Variants in GPHN observed in about 807,000 individuals in gnomAD.
GPHN encodes the protein gephyrin.
GPHN carries 17 observed loss-of-function variants against 95.5 expected under a neutral mutation model. The ratio of observed to expected loss-of-function variants is 0.18; its 90% confidence interval spans 0.12 to 0.27. The LOEUF is 0.27. Among genes scored for constraint, GPHN ranks in the 10% least tolerant of loss-of-function variants. GPHN has a pLI of 1.00. For synonymous variants in GPHN, 320 were observed against 322.5 expected, an observed-to-expected ratio of 0.99 and a Z score of 0.08; for missense variants, 660 against 978.1, an observed-to-expected ratio of 0.67 and a Z score of 4.34.
At chr14:66,976,854 GGAT>G (rs1174318889) in intron 9 of GPHN, among the ~76,000 whole-genome samples, 1 of 139,832 alleles carries the variant, frequency 7.2e-6, no homozygotes, top group East Asian at 2.3e-4. Flanking sequence ...AGTAAAAAAA[GGAT>G]GAGTAAAAGG....
intron 1 of GPHN, among the ~76,000 whole-genome samples, chr14:66,625,553 C>A (rs772041744): frequency 6.6e-6 from 1 of 151,970 alleles, no homozygotes; most frequent in Admixed American, 6.6e-5. Context: ...TTGGTAGTTT[C>A]TTTTCCCTAC....
At chr14:66,526,350 G>T (rs957882242) in intron 1 of GPHN, among the ~76,000 whole-genome samples, 5 of 152,204 alleles carry the variant, frequency 3.3e-5, no homozygotes, top group East Asian at 1.9e-4. Context: ...AGAGTTTGCT[G>T]AAGTTGCTTA....
chr14:67,712,493 CAAAAAA>C, the GPHN span, among the ~76,000 whole-genome samples: 379 of 38,940 alleles, frequency 9.7e-3, no homozygotes, highest in East Asian at 0.018. Context: ...AAAAAACTTG[CAAAAAA>C]AAAAAAAAAA....
chr14:67,153,781 T>C (rs1390628538), intron 18 of GPHN, among the ~76,000 whole-genome samples: 1 of 152,212 alleles, frequency 6.6e-6, no homozygotes, highest in Non-Finnish European at 1.5e-5. Context: ...AAGAGACTTA[T>C]TCCTTCATCC....
chr14:66,869,653 G>A (rs1412726024), intron 4 of GPHN, among the ~76,000 whole-genome samples: 1 of 152,096 alleles, frequency 6.6e-6, no homozygotes, highest in Non-Finnish European at 1.5e-5. Context: ...CTGGATTTTT[G>A]TATTATTTCT....
chr14:66,576,056 G>GTTC (rs1273067510), intron 1 of GPHN, among the ~76,000 whole-genome samples: 3 of 152,156 alleles, frequency 2.0e-5, no homozygotes, highest in Non-Finnish European at 4.4e-5. Flanking sequence ...GGCAGGCCTA[G>GTTC]ATGTTGGGTC....
chr14:66,910,239 A>G lies in GPHN; in HGVS notation c.390-5764A>G, dbSNP rs138577175. 3.1e-3 allele frequency among the ~76,000 whole-genome samples: 470 copies of G among 152,122 alleles called. 11 individuals carry two copies. The highest frequency in any genetic ancestry group is 0.011 in the African/African-American group (445 of 41,554). ...TAGATTTAAGTTTAAAATTACAAAT[A>G]AAGAGACTTTATCTCAACCTTTTTA... On this transcript the variant is annotated intron_variant, in intron 5 of 22. Transcript: ENST00000478722.
At chr14:66,923,873 T>C (rs1384521235) in intron 7 of GPHN, among the ~76,000 whole-genome samples, 1 of 152,106 alleles carries the variant, frequency 6.6e-6, no homozygotes, top group Non-Finnish European at 1.5e-5. Flanking sequence ...CAGTGAGTGC[T>C]TACTAAAGGC....
In GPHN at chr14:66,679,568, G is replaced by T. The variant is rs188537338; in HGVS notation, c.65-1539G>T. ...CTTTCTGTCTGCTTTATTCTAACTG[G>T]AATTATATTTGTGTTGAAGTGTTTA... On this transcript the variant is annotated intron_variant, in intron 1 of 22. Coordinates refer to ENST00000478722, the MANE Select transcript of GPHN (RefSeq NM_020806.5). 8.4e-3 allele frequency among the ~76,000 whole-genome samples: 1,280 copies of T among 152,120 alleles called. 11 individuals are homozygous for T. Among genetic ancestry groups the T allele is most frequent in the Non-Finnish European group, 0.013 (871 of 67,998 alleles).
At chr14:67,359,508 G>C in the GPHN span, 1 of 836,288 alleles carries the variant, frequency 1.2e-6, no homozygotes, top group South Asian at 1.8e-5. Context: ...AGGCCGTCAG[G>C]AAGCCTCGCC....
At chr14:67,204,550 C>A in the GPHN span, 1 of 1,612,862 alleles carries the variant, frequency 6.2e-7, no homozygotes, top group South Asian at 1.1e-5. Context: ...TCTCCCTCTG[C>A]AGTTTGTGAC....
intron 5 of GPHN, among the ~76,000 whole-genome samples, chr14:66,892,597 A>C (rs1406452295): frequency 6.6e-6 from 1 of 152,198 alleles, no homozygotes; most frequent in African/African-American, 2.4e-5. Context: ...AATTATTGTT[A>C]ATTCTAACAC....
chr14:67,227,557 A>G, the GPHN span: 1 of 152,260 alleles, frequency 6.6e-6, no homozygotes, highest in East Asian at 1.9e-4. Flanking sequence ...AGTTACTAAT[A>G]CAGACTTCAT....
At chr14:66,912,121 G>A (rs895789146) in intron 5 of GPHN, among the ~76,000 whole-genome samples, 2 of 152,056 alleles carry the variant, frequency 1.3e-5, no homozygotes, top group African/African-American at 4.8e-5. Context: ...AATTCTTTAA[G>A]ATTACTTTCC....
chr14:67,729,624 A>G, the GPHN span: 1 of 622,928 alleles, frequency 1.6e-6, no homozygotes, highest in Admixed American at 2.6e-5. Context: ...AAAACTTTGC[A>G]GCTTTCTGAA....
the GPHN span, chr14:67,279,616 G>A: frequency 7.5e-7 from 1 of 1,336,966 alleles, no homozygotes; most frequent in East Asian, 2.4e-5. Context: ...AGAAGGAAGA[G>A]GGTTTAAGAG....
In GPHN at chr14:66,676,861, T is replaced by A. The variant is rs539217009; in HGVS notation, c.65-4246T>A. On this transcript the variant is annotated intron_variant, in intron 1 of 22. Transcript: ENST00000478722. ...GAATTAGGAAGAATTTCCACCTTTTTAATTTTTTGGAAGAGTTTCAGCAAA... is the reference window on the plus strand; with the variant it reads ...GAATTAGGAAGAATTTCCACCTTTTAAATTTTTTGGAAGAGTTTCAGCAAA... Among the ~76,000 whole-genome samples the A allele has an allele frequency of 1.2e-4, 18 of 152,126 alleles. No homozygotes were observed. In the South Asian group the frequency reaches 3.7e-3, roughly 32 times the overall value.
At chr14:67,043,858 CT>C (rs2074847802) in intron 10 of GPHN, among the ~76,000 whole-genome samples, 1 of 152,106 alleles carries the variant, frequency 6.6e-6, no homozygotes, top group African/African-American at 2.4e-5. Flanking sequence ...TGGTCCTGGA[CT>C]TTTTTTGGTT....
At chr14:66,887,458 G>A (rs958762636) in intron 5 of GPHN, among the ~76,000 whole-genome samples, 4 of 152,130 alleles carry the variant, frequency 2.6e-5, no homozygotes, top group Non-Finnish European at 5.9e-5. Flanking sequence ...ATGGTGCCAC[G>A]TGCCTATAGT....
Sources: gnomAD v4.1 joint callset for allele counts (sites outside exome capture counted in the v4.1 genomes callset) on GRCh38, gnomAD v4.1.1 for gene constraint, MANE v1.5 for transcripts, NCBI Gene and HGNC (gene_info 2026-07-23, HGNC 2026-07-21) for gene names.